Variants in PSMC1 observed in about 807,000 individuals in gnomAD.
The protein encoded by PSMC1 is 26S proteasome regulatory subunit 4.
PSMC1 carries 5 observed loss-of-function variants against 49.8 expected under a neutral mutation model. The observed-to-expected ratio is 0.10, with a 90% CI of 0.05 to 0.21. The LOEUF (loss-of-function observed/expected upper bound fraction) is 0.21. Among genes scored for constraint, PSMC1 ranks in the 10% least tolerant of loss-of-function variants. PSMC1 has a pLI of 1.00. For synonymous variants in PSMC1, 155 were observed against 192.1 expected, an observed-to-expected ratio of 0.81 and a Z score of 1.60; for missense variants, 181 against 535.7, an observed-to-expected ratio of 0.34 and a Z score of 6.54.
intron 2 of PSMC1, among the ~76,000 whole-genome samples, chr14:90,259,685 G>A (rs1891359639): frequency 6.6e-6 from 1 of 152,194 alleles, no homozygotes; most frequent in Non-Finnish European, 1.5e-5. Context: ...GCAGTGGCAT[G>A]ATCTCGGCTC....
At chr14:90,266,760 A>G (rs1372289811) in intron 7 of PSMC1, among the ~76,000 whole-genome samples, 1 of 152,194 alleles carries the variant, frequency 6.6e-6, no homozygotes, top group East Asian at 1.9e-4. Context: ...CTGCACGATA[A>G]CATCCTATCC....
At chr14:90,266,409 A>G (rs1323612849) in intron 7 of PSMC1, among the ~76,000 whole-genome samples, 1 of 152,244 alleles carries the variant, frequency 6.6e-6, no homozygotes, top group Non-Finnish European at 1.5e-5. Context: ...GCTGAGGGGT[A>G]CCCACAATGG....
intron 1 of PSMC1, among the ~76,000 whole-genome samples, chr14:90,257,794 G>A: frequency 6.6e-6 from 1 of 152,204 alleles, no homozygotes; most frequent in Admixed American, 6.5e-5. Flanking sequence ...GTTTCACTCT[G>A]TTGGCCAGGC....
At position 90,273,803 on chromosome 14, in the gene PSMC1, G is replaced by A. The variant is rs1448081335; in HGVS notation, c.*1396G>A. 6.5e-6 allele frequency: 1 copy of A among 154,650 alleles called. No individual in the cohort carries two copies. Among genetic ancestry groups the A allele is most frequent in the Non-Finnish European group, 1.5e-5 (1 of 68,222 alleles). The allele number at this position is 154,650 out of a possible 1,614,324, so 9.6% of individuals were successfully genotyped here. A position where few individuals can be genotyped will look rare whatever the true frequency, so the allele number is the denominator to read the frequency against. On this transcript the variant is annotated 3_prime_UTR_variant, in exon 11 of 11. Transcript: ENST00000261303. ...CCAGCTGAGGCCTTTGCCAGTCTGT[G>A]AAGGCCACCCTCCCTCCTGACTCGT...
chr14:90,260,704 C>A (rs1213698826), intron 3 of PSMC1, among the ~76,000 whole-genome samples: 1 of 152,126 alleles, frequency 6.6e-6, no homozygotes, highest in Non-Finnish European at 1.5e-5. Context: ...TGCAGTCCAG[C>A]CTGGGCGACA....
intron 9 of PSMC1, 32 bp from the exon 10 acceptor site, chr14:90,270,166 T>C: frequency 6.2e-7 from 1 of 1,608,442 alleles, no homozygotes; most frequent in Non-Finnish European, 8.5e-7. Flanking sequence ...GTTTGGATGT[T>C]GGTGTGACTT....
intron 1 of PSMC1, among the ~76,000 whole-genome samples, chr14:90,258,549 G>A (rs1050326146): frequency 1.3e-4 from 20 of 152,158 alleles, no homozygotes; most frequent in Admixed American, 9.8e-4. Context: ...GAATCCCACT[G>A]AGTTTATTAA....
At chr14:90,257,613 AT>A (rs989123938) in intron 1 of PSMC1, among the ~76,000 whole-genome samples, 1 of 152,018 alleles carries the variant, frequency 6.6e-6, no homozygotes, top group Non-Finnish European at 1.5e-5. Flanking sequence ...TTTAATTTTA[AT>A]TTTTATTTTT....
intron 3 of PSMC1, 24 bp from the exon 4 acceptor site, chr14:90,263,294 T>A (rs1891437556): frequency 6.3e-7 from 1 of 1,578,026 alleles, no homozygotes; most frequent in African/African-American, 1.4e-5. Context: ...CCACATATAA[T>A]GAAACTTTAT....
Position 90,275,015 on chromosome 14 carries a change from GT to G in PSMC1, c.*2609del, listed in dbSNP as rs1891773131. On this transcript the variant is annotated 3_prime_UTR_variant, in exon 11 of 11. Coordinates refer to ENST00000261303, the MANE Select transcript of PSMC1 (RefSeq NM_002802.3). Reference sequence around the variant, plus strand: ...ATCATCAGTAATGGGCACTTTGAAAGTACGTGCCACCCAAGAGTGTCAGTGC... The same window carrying G: ...ATCATCAGTAATGGGCACTTTGAAAGACGTGCCACCCAAGAGTGTCAGTGC... 1 of 152,246 alleles carries G rather than the reference GT, an allele frequency of 6.6e-6. No homozygotes were observed. Among genetic ancestry groups the G allele is most frequent in the Non-Finnish European group, 1.5e-5 (1 of 68,056 alleles). 9.4% of individuals were successfully genotyped at this position (152,246 alleles called of 1,614,324 possible). A position where few individuals can be genotyped will look rare whatever the true frequency, so the allele number is the denominator to read the frequency against.
At chr14:90,263,569 C>T (rs889845099) in intron 4 of PSMC1, 93 bp from the exon 5 acceptor site, 1 of 1,487,094 alleles carries the variant, frequency 6.7e-7, no homozygotes, top group African/African-American at 1.4e-5. Flanking sequence ...CTGCCTTTTA[C>T]AAGCATCGGC....
At chr14:90,267,285 C>A (rs953599967) in intron 7 of PSMC1, among the ~76,000 whole-genome samples, 2 of 152,124 alleles carry the variant, frequency 1.3e-5, no homozygotes, top group Admixed American at 6.6e-5. Context: ...CCTCAGCCTC[C>A]CGAGTAGCTA....
intron 1 of PSMC1, 137 bp from the exon 2 acceptor site, chr14:90,259,023 C>A: frequency 1.4e-6 from 1 of 706,402 alleles, no homozygotes; most frequent in African/African-American, 1.8e-5. Flanking sequence ...AGTATTACAT[C>A]TTGGGTTCAG....
chr14:90,263,874 C>T, intron 5 of PSMC1, 27 bp downstream of exon 5: 1 of 1,612,478 alleles, frequency 6.2e-7, no homozygotes, highest in South Asian at 1.1e-5. Context: ...TTTCAGAAAG[C>T]CCACGGAAGT....
intron 1 of PSMC1, among the ~76,000 whole-genome samples, chr14:90,256,896 T>C (rs1891305267): frequency 6.6e-6 from 1 of 152,026 alleles, no homozygotes; most frequent in African/African-American, 2.4e-5. Flanking sequence ...GCTTTGCTGC[T>C]CCGCCGACCA....
intron 10 of PSMC1, chr14:90,271,263 T>C (rs1330094057): frequency 2.0e-5 from 3 of 152,236 alleles, no homozygotes; most frequent in Non-Finnish European, 4.4e-5. Flanking sequence ...TTGTGTTTTT[T>C]GCCACATCTT....
At chr14:90,269,686 G>C in intron 9 of PSMC1, 138 bp downstream of exon 9, 1 of 950,336 alleles carries the variant, frequency 1.1e-6, no homozygotes, top group Non-Finnish European at 1.5e-6. Context: ...CAAAAAAATA[G>C]GTCCTCTTGA....
At chr14:90,264,892 A>G (rs946476705) in intron 6 of PSMC1, among the ~76,000 whole-genome samples, 178 bp from the exon 7 acceptor site, 2 of 152,262 alleles carry the variant, frequency 1.3e-5, no homozygotes, top group Non-Finnish European at 2.9e-5. Flanking sequence ...GAACTCAAGC[A>G]GGACAGGTGT....
intron 6 of PSMC1, among the ~76,000 whole-genome samples, chr14:90,264,415 T>C (rs1338902101): frequency 6.6e-6 from 1 of 152,224 alleles, no homozygotes; most frequent in Non-Finnish European, 1.5e-5. Flanking sequence ...GTTGAATGCA[T>C]TGTCTGTGTG....
Sources: gnomAD v4.1 joint callset for allele counts (sites outside exome capture counted in the v4.1 genomes callset) on GRCh38, gnomAD v4.1.1 for gene constraint, MANE v1.5 for transcripts, NCBI Gene and HGNC (gene_info 2026-07-23, HGNC 2026-07-21) for gene names.